The following TTLL11 variants were observed in gnomAD, a reference collection of about 807,000 sequenced individuals.
The protein encoded by TTLL11 is tubulin tyrosine ligase like 11.
A neutral mutation model predicts 51.7 loss-of-function variants in TTLL11; 42 were observed. That is an observed-to-expected ratio of 0.81 (90% confidence interval 0.64 to 1.05). The LOEUF (loss-of-function observed/expected upper bound fraction) is 1.05. Among genes scored for constraint, TTLL11 ranks in the 50% least tolerant of loss-of-function variants. The pLI is 0.00. For synonymous variants in TTLL11, 381 were observed against 383.5 expected, an observed-to-expected ratio of 0.99 and a Z score of 0.08; for missense variants, 799 against 940.4, an observed-to-expected ratio of 0.85 and a Z score of 1.97.
chr9:122,046,735 T>C (rs1318682664), intron 1 of TTLL11, among the ~76,000 whole-genome samples: 2 of 152,164 alleles, frequency 1.3e-5, no homozygotes, highest in Non-Finnish European at 2.9e-5. Flanking sequence ...CCTAGACTTG[T>C]CTCTGGCACT....
intron 6 of TTLL11, among the ~76,000 whole-genome samples, chr9:121,959,144 A>C (rs1294260981): frequency 1.3e-5 from 2 of 152,198 alleles, no homozygotes; most frequent in African/African-American, 4.8e-5. Flanking sequence ...CTCTGTGAGC[A>C]TGCTGAGGTG....
At chr9:121,826,153 A>AATATATATAT (rs10562547) in intron 8 of TTLL11, among the ~76,000 whole-genome samples, 142 of 70,924 alleles carry the variant, frequency 2.0e-3, no homozygotes, top group African/African-American at 6.0e-3. Context: ...ATCAAAGTAG[A>AATATATATAT]ATATATATAT....
chr9:121,957,160 G>A (rs755386050), intron 6 of TTLL11, among the ~76,000 whole-genome samples: 24 of 152,074 alleles, frequency 1.6e-4, no homozygotes, highest in Non-Finnish European at 3.2e-4. Context: ...CTCCCTCAGG[G>A]CAGGAGCTTA....
intron 8 of TTLL11, among the ~76,000 whole-genome samples, chr9:121,841,832 T>C (rs982364735): frequency 1.3e-5 from 2 of 151,818 alleles, no homozygotes; most frequent in African/African-American, 4.8e-5. Context: ...GCAACTCCCT[T>C]CCCCCAGTAT....
At position 121,835,819 on chromosome 9, in the gene TTLL11, A is replaced by G. The variant is rs151059605; in HGVS notation, c.1841-12940T>C. 1.2e-4 allele frequency among the ~76,000 whole-genome samples: 19 copies of G among 152,310 alleles called. No homozygotes were observed. The East Asian group carries it at 3.3e-3, about 26-fold the overall frequency. ...AGTCACCATCTGGGAAGACAGGGCC[A>G]CAGTTCTAGTCACTGCTTCCTGCAA... is the stretch of plus-strand genomic sequence containing the variant. On this transcript the variant is annotated intron_variant, in intron 8 of 8. Coordinates refer to ENST00000321582, the MANE Select transcript of TTLL11 (RefSeq NM_001139442.2).
intron 1 of TTLL11, among the ~76,000 whole-genome samples, chr9:122,059,850 T>C (rs1282536225): frequency 6.6e-6 from 1 of 152,200 alleles, no homozygotes; most frequent in Non-Finnish European, 1.5e-5. Flanking sequence ...TGGTTGTTGG[T>C]AGAATTCATC....
chr9:122,082,873 TA>T (rs1360839904), intron 1 of TTLL11, among the ~76,000 whole-genome samples: 1 of 151,554 alleles, frequency 6.6e-6, no homozygotes. Flanking sequence ...CAAAAAAATA[TA>T]AAAAATTAGC....
intron 6 of TTLL11, among the ~76,000 whole-genome samples, chr9:121,876,534 G>A (rs1440793932): frequency 6.6e-6 from 1 of 152,164 alleles, no homozygotes; most frequent in East Asian, 1.9e-4. Context: ...AGCCAGCATG[G>A]GTCTAGGTCA....
intron 1 of TTLL11, among the ~76,000 whole-genome samples, chr9:122,075,837 A>G (rs1845844459): frequency 6.6e-6 from 1 of 152,160 alleles, no homozygotes; most frequent in African/African-American, 2.4e-5. Context: ...CTGGCTCTCT[A>G]TTTCTGGACT....
intron 7 of TTLL11, among the ~76,000 whole-genome samples, chr9:121,860,655 T>C (rs13288774): frequency 0.12 from 17,973 of 152,136 alleles, 1,121 homozygotes; most frequent in Admixed American, 0.14. Context: ...AGTGCTCTTC[T>C]AGGAAGAGAC....
chr9:122,090,525 T>C (rs905415096), intron 1 of TTLL11, among the ~76,000 whole-genome samples: 4 of 152,198 alleles, frequency 2.6e-5, no homozygotes, highest in African/African-American at 9.7e-5. Flanking sequence ...TCCAGTTCAT[T>C]TTCAGCACTC....
rs1476885474 is a variant in TTLL11, at chr9:122,031,826, AG to A, written c.589del (p.Leu197Ter). 1 of 1,613,692 alleles carries A rather than the reference AG, an allele frequency of 6.2e-7. No individual in the cohort carries two copies. Among genetic ancestry groups the A allele is most frequent in the Non-Finnish European group, 8.5e-7 (1 of 1,179,732 alleles). Reference sequence around the variant, plus strand: ...CTGCATGGTTCTCACTGCTCTGCTCAGAGTAATTTTACGCACCATCTCCGTC... The same window carrying A: ...CTGCATGGTTCTCACTGCTCTGCTCAAGTAATTTTACGCACCATCTCCGTC... ...GMTEMVRKIT[L>X]SRAVRTMQNL... On this transcript the variant is annotated frameshift_variant, in exon 3 of 9. Coordinates refer to ENST00000321582, the MANE Select transcript of TTLL11 (RefSeq NM_001139442.2). LOFTEE classifies it high-confidence loss of function.
chr9:121,906,740 G>T (rs1180521061), intron 6 of TTLL11, among the ~76,000 whole-genome samples: 32 of 152,116 alleles, frequency 2.1e-4, no homozygotes. Context: ...TCAGAAGAGA[G>T]TATTATTTCT....
intron 7 of TTLL11, among the ~76,000 whole-genome samples, chr9:121,866,715 G>A (rs1253887958): frequency 2.0e-5 from 3 of 151,932 alleles, no homozygotes; most frequent in Non-Finnish European, 4.4e-5. Context: ...TAATCGTTGT[G>A]CAATGCTTTC....
At chr9:122,057,131 A>AC (rs1283085012) in intron 1 of TTLL11, among the ~76,000 whole-genome samples, 1 of 151,782 alleles carries the variant, frequency 6.6e-6, no homozygotes, top group Admixed American at 6.6e-5. Context: ...ATTGCATTAA[A>AC]CCCCATTATT....
chr9:121,834,655 C>T (rs913502479), intron 8 of TTLL11, among the ~76,000 whole-genome samples: 11 of 151,934 alleles, frequency 7.2e-5, no homozygotes, highest in Admixed American at 3.9e-4. Flanking sequence ...GGTGAAACTC[C>T]GTCTCTACTA....
chr9:121,878,414 T>C (rs1838651216), intron 6 of TTLL11, among the ~76,000 whole-genome samples: 1 of 152,134 alleles, frequency 6.6e-6, no homozygotes. Context: ...ATTGCTGACA[T>C]GTAATGTTTG....
At chr9:121,994,043 G>A (rs145113568) in intron 3 of TTLL11, among the ~76,000 whole-genome samples, 63 of 152,258 alleles carry the variant, frequency 4.1e-4, no homozygotes, top group Non-Finnish European at 7.6e-4. Context: ...TATGAGCCTG[G>A]TACCCAGGGC....
intron 6 of TTLL11, among the ~76,000 whole-genome samples, chr9:121,964,439 AG>A (rs1249221711): frequency 6.6e-6 from 1 of 152,138 alleles, no homozygotes; most frequent in Non-Finnish European, 1.5e-5. Flanking sequence ...CTGGGATTAC[AG>A]GGATGTGCCA....
Sources: gnomAD v4.1 joint callset for allele counts (sites outside exome capture counted in the v4.1 genomes callset) on GRCh38, gnomAD v4.1.1 for gene constraint, MANE v1.5 for transcripts, NCBI Gene and HGNC (gene_info 2026-07-23, HGNC 2026-07-21) for gene names.